Variants in GALK2 observed in about 807,000 individuals in gnomAD.
GALK2 encodes N-acetylgalactosamine kinase.
Under a neutral mutation model 52.4 loss-of-function variants are expected in GALK2, and 36 were observed. The ratio of observed to expected loss-of-function variants is 0.69; its 90% CI spans 0.53 to 0.91. The LOEUF (loss-of-function observed/expected upper bound fraction) is 0.91, where lower values mean the gene tolerates loss of function less well. GALK2 is among the 40% of genes least tolerant of loss of function. The pLI, the probability that GALK2 is intolerant of heterozygous loss-of-function variation, is 0.00. For synonymous variants in GALK2, 176 were observed against 199.1 expected (o/e 0.88, Z 0.98); for missense variants, 579 against 559.1 (o/e 1.04, Z -0.36).
intron 1 of GALK2, among the ~76,000 whole-genome samples, chr15:49,157,092 T>C (rs2084483294): frequency 6.6e-6 from 1 of 152,238 alleles, no homozygotes; most frequent in Non-Finnish European, 1.5e-5. Flanking sequence ...AGCACATCTG[T>C]ACCTTTATTA....
downstream of GALK2, among the ~76,000 whole-genome samples, chr15:49,332,533 A>C (rs1011835790): frequency 1.3e-5 from 2 of 152,174 alleles, no homozygotes; most frequent in Admixed American, 1.3e-4. Context: ...CCAGAGATCT[A>C]AGAATGAGGG....
Position 49,239,157 on chromosome 15 carries a change from A to G in GALK2, c.358-64A>G. The G allele has an allele frequency of 2.8e-6, 4 of 1,407,092 alleles. No individual in the cohort carries two copies. The South Asian group carries it at 4.7e-5, about 16-fold the overall frequency. The allele number at this position is 1,407,092 out of a possible 1,614,324, so 87.2% of individuals were successfully genotyped here. A position where few individuals can be genotyped will look rare whatever the true frequency, so the allele number is the denominator to read the frequency against. On this transcript the variant is annotated intron_variant, in intron 4 of 9. Transcript: ENST00000560031. ...ACTTTTGTTCTCTGGGGAATGAAAG[A>G]AGCTTTCACTACTCCTTGAATTCAA...
chr15:49,325,648 C>CTGACT (rs1231662146), intron 9 of GALK2, among the ~76,000 whole-genome samples: 1 of 152,210 alleles, frequency 6.6e-6, no homozygotes, highest in Non-Finnish European at 1.5e-5. Flanking sequence ...TGGGGCAGCC[C>CTGACT]TGACTTGTGA....
At chr15:49,299,374 T>G (rs992112975) in intron 8 of GALK2, among the ~76,000 whole-genome samples, 1 of 152,208 alleles carries the variant, frequency 6.6e-6, no homozygotes, top group Non-Finnish European at 1.5e-5. Context: ...GATTTTTATG[T>G]CTCAATTTCA....
intron 2 of GALK2, 81 bp from the exon 3 acceptor site, chr15:49,217,109 T>G: frequency 2.3e-6 from 3 of 1,305,612 alleles, no homozygotes; most frequent in South Asian, 2.8e-5. Flanking sequence ...CATGGTCAGT[T>G]TTTTCCTGTA....
intron 5 of GALK2, among the ~76,000 whole-genome samples, chr15:49,265,694 G>C (rs1047397452): frequency 6.6e-6 from 1 of 152,222 alleles, no homozygotes; most frequent in Non-Finnish European, 1.5e-5. Context: ...GAGCGGAGCT[G>C]TTCCTATTCG....
At chr15:49,275,608 A>G (rs2031528216) in intron 5 of GALK2, among the ~76,000 whole-genome samples, 1 of 152,218 alleles carries the variant, frequency 6.6e-6, no homozygotes, top group South Asian at 2.1e-4. Context: ...AGGCATGGTT[A>G]ACTAACTCAG....
At chr15:49,334,225 G>T (rs996870775), downstream of GALK2, 11 of 981,202 alleles carry the variant, frequency 1.1e-5, no homozygotes, top group Non-Finnish European at 1.2e-5. Flanking sequence ...AACCTATCAA[G>T]CTCCTTGTCA....
intron 8 of GALK2, among the ~76,000 whole-genome samples, chr15:49,307,926 G>A (rs892406255): frequency 2.0e-5 from 3 of 152,050 alleles, no homozygotes; most frequent in African/African-American, 7.3e-5. Flanking sequence ...CCCTTTAAAT[G>A]TAAAATGCTA....
intron 3 of GALK2, among the ~76,000 whole-genome samples, chr15:49,235,380 A>C (rs747439314): frequency 5.3e-5 from 8 of 152,102 alleles, no homozygotes; most frequent in Non-Finnish European, 1.0e-4. Flanking sequence ...TTATTTTGTT[A>C]AATTGATTAT....
chr15:49,334,060 A>G (rs765424091), downstream of GALK2, among the ~76,000 whole-genome samples: 4 of 152,232 alleles, frequency 2.6e-5, no homozygotes, highest in Non-Finnish European at 5.9e-5. Context: ...ATGTTTAGCA[A>G]TTAATTAGCA....
At chr15:49,188,652 T>C (rs1208708883) in intron 1 of GALK2, among the ~76,000 whole-genome samples, 2 of 152,244 alleles carry the variant, frequency 1.3e-5, no homozygotes, top group Non-Finnish European at 2.9e-5. Context: ...GATAGATAGT[T>C]GTTCAACTTG....
intron 3 of GALK2, among the ~76,000 whole-genome samples, chr15:49,235,008 G>A (rs1179902919): frequency 1.3e-5 from 2 of 152,050 alleles, no homozygotes; most frequent in Admixed American, 6.6e-5. Context: ...CTTGTGATCC[G>A]CCTGCCTTGG....
chr15:49,350,417 T>C (rs1047165049), intron 3 of GALK2, among the ~76,000 whole-genome samples: 4 of 152,202 alleles, frequency 2.6e-5, no homozygotes, highest in African/African-American at 4.8e-5. Flanking sequence ...CTCTAAATAA[T>C]CTATATTGCA....
chr15:49,352,543 T>A (rs1053286380), intron 3 of GALK2, among the ~76,000 whole-genome samples: 1 of 152,222 alleles, frequency 6.6e-6, no homozygotes, highest in South Asian at 2.1e-4. Flanking sequence ...TCTTTTATTT[T>A]TCTTTATCTA....
At chr15:49,176,772 G>C (rs2085493983) in intron 1 of GALK2, among the ~76,000 whole-genome samples, 1 of 152,090 alleles carries the variant, frequency 6.6e-6, no homozygotes, top group African/African-American at 2.4e-5. Context: ...TTCCACAAGT[G>C]AGATTAGCCT....
At chr15:49,224,108 C>T (rs935521082) in intron 3 of GALK2, among the ~76,000 whole-genome samples, 1 of 151,942 alleles carries the variant, frequency 6.6e-6, no homozygotes, top group Non-Finnish European at 1.5e-5. Flanking sequence ...GATGGTATCT[C>T]ATTGTGGTTT....
chr15:49,204,537 A>G (rs1423517337), intron 2 of GALK2, among the ~76,000 whole-genome samples: 1 of 152,016 alleles, frequency 6.6e-6, no homozygotes, highest in South Asian at 2.1e-4. Flanking sequence ...TTCATTGTAC[A>G]GGTCTTTTAT....
rs923430265 is a variant in GALK2, at chr15:49,331,879, C to A, written c.*3720C>A. On this transcript the variant is annotated 3_prime_UTR_variant, in exon 10 of 10. Coordinates refer to ENST00000560031, the MANE Select transcript of GALK2 (RefSeq NM_002044.4). Reference sequence around the variant, plus strand: ...TCATGGAATAAAGAAAATCAGTAACCAAACTAATTGTCCTTATATTGACAC... The same window carrying A: ...TCATGGAATAAAGAAAATCAGTAACAAAACTAATTGTCCTTATATTGACAC... The A allele has an allele frequency of 1.5e-6, 2 of 1,341,618 alleles. No individual in the cohort carries two copies. The highest frequency in any genetic ancestry group is 2.1e-6 in the Non-Finnish European group (2 of 932,094). The allele number at this position is 1,341,618 out of a possible 1,614,324, so 83.1% of individuals were successfully genotyped here.
Sources: gnomAD v4.1 joint callset for allele counts (sites outside exome capture counted in the v4.1 genomes callset) on GRCh38, gnomAD v4.1.1 for gene constraint, MANE v1.5 for transcripts, NCBI Gene and HGNC (gene_info 2026-07-23, HGNC 2026-07-21) for gene names.